The following DMC1 variants were observed in gnomAD, a reference collection of about 807,000 sequenced individuals.
The protein encoded by DMC1 is meiotic recombination protein DMC1 homolog.
DMC1 carries 27 observed loss-of-function variants against 50.1 expected under a neutral mutation model. The ratio of observed to expected loss-of-function variants is 0.54; its 90% CI spans 0.40 to 0.74. The LOEUF (loss-of-function observed/expected upper bound fraction) is 0.74. Ranked by LOEUF, DMC1 falls within the 30% of genes least tolerant of loss-of-function variation. The pLI is 0.00. For synonymous variants in DMC1, 148 were observed against 136.1 expected, an observed-to-expected ratio of 1.09 and a Z score of -0.61; for missense variants, 295 against 420.2, an observed-to-expected ratio of 0.70 and a Z score of 2.60.
At chr22:38,514,757 G>T (rs578187357), downstream of DMC1, among the ~76,000 whole-genome samples, 1 of 152,090 alleles carries the variant, frequency 6.6e-6, no homozygotes, top group Admixed American at 6.6e-5. Context: ...ATGCCATGAC[G>T]TCAGGAAGTT....
chr22:38,566,856 GC>G, intron 3 of DMC1, 120 bp from the exon 4 acceptor site: 1 of 1,034,674 alleles, frequency 9.7e-7, no homozygotes, highest in Non-Finnish European at 1.5e-6. Flanking sequence ...TATACAAGCT[GC>G]CAGGTGGAAC....
At chr22:38,527,435 C>G (rs1356118741) in intron 12 of DMC1, among the ~76,000 whole-genome samples, 1 of 151,968 alleles carries the variant, frequency 6.6e-6, no homozygotes, top group Non-Finnish European at 1.5e-5. Flanking sequence ...GAACTCCCGA[C>G]CTCAAGTGAT....
At position 38,519,956 on chromosome 22, in the gene DMC1, G is replaced by A. The variant is rs1348455576; in HGVS notation, c.*64C>T. ...CTCTATTTCAAGATGTGAAATTGGA[G>A]ACTGCTTTTCCATTTCTTCAGCTCC... On this transcript the variant is annotated 3_prime_UTR_variant, in exon 14 of 14. Transcript: ENST00000216024. The A allele has an allele frequency of 5.2e-6, 7 of 1,338,994 alleles. No individual in the cohort carries two copies. The highest frequency in any genetic ancestry group is 7.5e-6 in the Non-Finnish European group (7 of 931,180). 82.9% of individuals were successfully genotyped at this position (1,338,994 alleles called of 1,614,324 possible). A position where few individuals can be genotyped will look rare whatever the true frequency, so the allele number is the denominator to read the frequency against.
chr22:38,548,782 C>T (rs961494452), intron 8 of DMC1, among the ~76,000 whole-genome samples: 4 of 151,502 alleles, frequency 2.6e-5, no homozygotes, highest in Non-Finnish European at 5.9e-5. Flanking sequence ...GCTGAGGTTG[C>T]AGTGAGTTGA....
downstream of DMC1, among the ~76,000 whole-genome samples, chr22:38,514,806 G>A (rs1602700589): frequency 1.3e-5 from 2 of 152,244 alleles, no homozygotes; most frequent in East Asian, 1.9e-4. Flanking sequence ...CATCAGTTCC[G>A]GGAATTGCCC....
chr22:38,533,603 C>T (rs16999044), intron 12 of DMC1, among the ~76,000 whole-genome samples: 3,163 of 152,124 alleles, frequency 0.021, 113 homozygotes, highest in African/African-American at 0.07. Flanking sequence ...CCATATGATG[C>T]ATTGCTTCTG....
downstream of DMC1, among the ~76,000 whole-genome samples, chr22:38,516,812 A>C (rs781453778): frequency 5.3e-5 from 8 of 152,028 alleles, no homozygotes; most frequent in Non-Finnish European, 8.8e-5. Flanking sequence ...GGCCAGTTGA[A>C]TAATCTTTTT....
chr22:38,537,678 A>C, intron 11 of DMC1, 26 bp from the exon 12 acceptor site: 1 of 1,584,464 alleles, frequency 6.3e-7, no homozygotes, highest in South Asian at 1.1e-5. Flanking sequence ...AAATTTTAAA[A>C]CTATGAGAAA....
intron 12 of DMC1, among the ~76,000 whole-genome samples, chr22:38,527,437 T>C (rs2090104349): frequency 6.6e-6 from 1 of 151,652 alleles, no homozygotes; most frequent in African/African-American, 2.4e-5. Context: ...ACTCCCGACC[T>C]CAAGTGATCC....
At chr22:38,511,690 C>T in the DMC1 span, among the ~76,000 whole-genome samples, 1 of 152,186 alleles carries the variant, frequency 6.6e-6, no homozygotes, top group Non-Finnish European at 1.5e-5. Context: ...CCATCTTGAA[C>T]TCCTAGGCTC....
downstream of DMC1, among the ~76,000 whole-genome samples, chr22:38,515,102 G>A (rs1015381541): frequency 3.5e-4 from 52 of 150,202 alleles, no homozygotes; most frequent in African/African-American, 1.2e-3. Flanking sequence ...TCCTAACCTC[G>A]TGATCTGCCC....
In DMC1 at chr22:38,567,707, A is replaced by T. The variant is rs1011900114; in HGVS notation, c.52-80T>A. The T allele has an allele frequency of 1.0e-5, 11 of 1,063,838 alleles. No homozygotes were observed. In the Admixed American group the frequency reaches 1.7e-4, roughly 17 times the overall value. The allele number at this position is 1,063,838 out of a possible 1,614,324, so 65.9% of individuals were successfully genotyped here. On this transcript the variant is annotated intron_variant, in intron 2 of 13. Coordinates refer to ENST00000216024, the MANE Select transcript of DMC1 (RefSeq NM_007068.4). Reference sequence around the variant, plus strand: ...TCACATCTTTTAAAGAGGTAATTCAATACTATGAGTCACTCCAAAATGCCT... The same window carrying T: ...TCACATCTTTTAAAGAGGTAATTCATTACTATGAGTCACTCCAAAATGCCT...
At chr22:38,548,743 GTACATTTGTAAACT>G (rs1244415222) in intron 8 of DMC1, among the ~76,000 whole-genome samples, 2 of 151,982 alleles carry the variant, frequency 1.3e-5, no homozygotes, top group East Asian at 3.9e-4. Context: ...GTGTGGTGGT[GTACATTTGTAAACT>G]TAGCTACTTG....
At position 38,521,635 on chromosome 22, in the gene DMC1, T is replaced by G. The variant is rs1354714626; in HGVS notation, c.926A>C (p.Glu309Ala). The G allele has an allele frequency of 1.9e-6, 3 of 1,613,506 alleles. No homozygotes were observed. Among genetic ancestry groups the G allele is most frequent in the Non-Finnish European group, 8.5e-7 (1 of 1,179,738 alleles). The change falls in exon 13 of 14, where the codon GAG (glutamate) becomes GCG (alanine). Residue 309 changes from glutamate to alanine, a missense_variant. By Grantham distance (107) the Glu-to-Ala change is moderately radical. Coordinates refer to ENST00000216024, the MANE Select transcript of DMC1 (RefSeq NM_007068.4). Reference sequence around the variant, plus strand: ...GTCATAAATCTTGGCAATTCTGAGCTCTCCTCTTCCCTTTCGCAAGCTTAT... The same window carrying G: ...GTCATAAATCTTGGCAATTCTGAGCGCTCCTCTTCCCTTTCGCAAGCTTAT... ...TRISLRKGRG[E>A]LRIAKIYDSP...
At chr22:38,552,042 T>G (rs2090418618) in intron 7 of DMC1, among the ~76,000 whole-genome samples, 1 of 151,786 alleles carries the variant, frequency 6.6e-6, no homozygotes, top group South Asian at 2.1e-4. Context: ...TTTGTATTTT[T>G]AGTAGAGACC....
chr22:38,517,865 T>C (rs1254109652), downstream of DMC1, among the ~76,000 whole-genome samples: 1 of 152,226 alleles, frequency 6.6e-6, no homozygotes. Context: ...TCCTGCATTG[T>C]GAACAATTTC....
chr22:38,519,750 G>T lies in DMC1; in HGVS notation c.*270C>A. 2.4e-6 allele frequency: 1 copy of T among 408,196 alleles called. No homozygotes were observed. Among genetic ancestry groups the T allele is most frequent in the South Asian group, 2.1e-5 (1 of 46,886 alleles). The allele number at this position is 408,196 out of a possible 1,614,324, so 25.3% of individuals were successfully genotyped here. ...ACACAGAGTGAGAGAATTTCAATAGGTATATATATCTACTATATATGTCAG... is the reference window on the plus strand; with the variant it reads ...ACACAGAGTGAGAGAATTTCAATAGTTATATATATCTACTATATATGTCAG... On this transcript the variant is annotated 3_prime_UTR_variant, in exon 14 of 14. Coordinates refer to ENST00000216024, the MANE Select transcript of DMC1 (RefSeq NM_007068.4).
chr22:38,569,057 G>A (rs1218435286), intron 1 of DMC1, among the ~76,000 whole-genome samples: 7 of 151,646 alleles, frequency 4.6e-5, no homozygotes, highest in Non-Finnish European at 4.4e-5. Flanking sequence ...GGTGGTGGGC[G>A]CCCGTAATCC....
intron 5 of DMC1, among the ~76,000 whole-genome samples, chr22:38,557,527 G>A (rs374762666): frequency 2.0e-5 from 3 of 152,184 alleles, no homozygotes; most frequent in East Asian, 3.9e-4. Flanking sequence ...ATAACATGGC[G>A]AAACCCAGTC....
Sources: gnomAD v4.1 joint callset for allele counts (sites outside exome capture counted in the v4.1 genomes callset) on GRCh38, gnomAD v4.1.1 for gene constraint, MANE v1.5 for transcripts, NCBI Gene and HGNC (gene_info 2026-07-23, HGNC 2026-07-21) for gene names.